CWF19L2: variants seen among roughly 807,000 people sequenced by gnomAD.
The protein encoded by CWF19L2 is CWF19-like protein 2.
CWF19L2 carries 98 observed loss-of-function variants against 111.7 expected under a neutral mutation model. The ratio of observed to expected loss-of-function variants is 0.88; its 90% CI spans 0.75 to 1.04. The LOEUF is 1.04. Ranked by LOEUF, CWF19L2 falls within the 50% of genes least tolerant of loss-of-function variation. The pLI is 0.00. For missense variants in CWF19L2, 1,101 were observed against 1,051.4 expected (o/e 1.05, Z -0.65); for synonymous variants, 351 against 342.9 (o/e 1.02, Z -0.26).
At position 107,441,614 on chromosome 11, in the gene CWF19L2, C is replaced by T. The variant is rs368745930; in HGVS notation, c.459G>A (p.Glu153=). 11 of 1,527,098 alleles carry T rather than the reference C, an allele frequency of 7.2e-6. No individual in the cohort carries two copies. The highest frequency in any genetic ancestry group is 1.7e-4 in the Middle Eastern group (1 of 5,772). The allele number at this position is 1,527,098 out of a possible 1,614,324, so 94.6% of individuals were successfully genotyped here. The change falls in exon 5 of 18, where the codon GAG becomes GAA. Residue 153 remains glutamate (E), a synonymous_variant. Transcript: ENST00000282251. The part of the protein sequence containing the change: ...KDDTQIIKRD[E]WMTVDFMSVK... ...CAGACATAAAATCAACAGTCATCCA[C>T]TCATCCCTCTGTTAAAAAAAAAGAC...
chr11:107,360,857 T>C (rs1409528663), intron 12 of CWF19L2, among the ~76,000 whole-genome samples: 1 of 152,228 alleles, frequency 6.6e-6, no homozygotes, highest in Non-Finnish European at 1.5e-5. Context: ...CTGAATTGAG[T>C]TCCTTGTATA....
intron 8 of CWF19L2, among the ~76,000 whole-genome samples, chr11:107,425,215 C>A (rs1047660679): frequency 2.0e-5 from 3 of 149,712 alleles, no homozygotes; most frequent in Non-Finnish European, 4.5e-5. Flanking sequence ...CACACACACA[C>A]AAAGAGGTTG....
chr11:107,353,542 A>G lies in CWF19L2; in HGVS notation c.2067T>C (p.Ile689=). ...FDSSQFPKHL[I]VAIGVKVYLC... ...TTCTTACCTTAACACCTATTGCAAC[A>G]ATAAGATGCTTGGGAAATTGAGAGC... Residue 689 remains isoleucine (I), a synonymous_variant, in exon 13 of 18, where the codon ATT becomes ATC. Coordinates refer to ENST00000282251, the MANE Select transcript of CWF19L2 (RefSeq NM_152434.3). The G allele has an allele frequency of 6.2e-7, 1 of 1,613,620 alleles. No homozygotes were observed. Among genetic ancestry groups the G allele is most frequent in the Non-Finnish European group, 8.5e-7 (1 of 1,179,636 alleles).
intron 14 of CWF19L2, among the ~76,000 whole-genome samples, chr11:107,340,087 A>G (rs1266928530): frequency 1.3e-5 from 2 of 152,182 alleles, no homozygotes; most frequent in Non-Finnish European, 2.9e-5. Context: ...CTCCTAGTTT[A>G]TAATTTGTCT....
At chr11:107,385,873 A>C (rs1450764363) in intron 12 of CWF19L2, among the ~76,000 whole-genome samples, 1 of 152,248 alleles carries the variant, frequency 6.6e-6, no homozygotes. Context: ...CTGTTGCAGC[A>C]TAAGAGAGTT....
chr11:107,425,100 G>A (rs1435021109), intron 8 of CWF19L2, among the ~76,000 whole-genome samples: 5 of 151,146 alleles, frequency 3.3e-5, no homozygotes, highest in Non-Finnish European at 7.4e-5. Flanking sequence ...AAGAATTACT[G>A]CTATATTTCA....
At chr11:107,437,644 A>G (rs557831641) in intron 6 of CWF19L2, among the ~76,000 whole-genome samples, 3 of 152,296 alleles carry the variant, frequency 2.0e-5, no homozygotes, top group Non-Finnish European at 2.9e-5. Flanking sequence ...AGGGGAAGGG[A>G]GAAGGGCACT....
At chr11:107,408,157 C>A (rs1861107562) in intron 10 of CWF19L2, among the ~76,000 whole-genome samples, 2 of 151,928 alleles carry the variant, frequency 1.3e-5, no homozygotes, top group African/African-American at 4.8e-5. Flanking sequence ...TATACTTTTC[C>A]TTTGAAGGAC....
chr11:107,360,527 T>C (rs975485877), intron 12 of CWF19L2, among the ~76,000 whole-genome samples: 3 of 152,200 alleles, frequency 2.0e-5, no homozygotes, highest in African/African-American at 2.4e-5. Flanking sequence ...AATCAAATGA[T>C]AGTTCTACTT....
chr11:107,411,017 G>A (rs537875937), intron 10 of CWF19L2, among the ~76,000 whole-genome samples: 2 of 151,496 alleles, frequency 1.3e-5, no homozygotes, highest in African/African-American at 4.9e-5. Flanking sequence ...TTGACTACAA[G>A]AAGTAACACA....
chr11:107,336,082 G>A (rs113701862), intron 15 of CWF19L2, among the ~76,000 whole-genome samples: 29,005 of 151,964 alleles, frequency 0.19, 2,881 homozygotes, highest in Middle Eastern at 0.27. Flanking sequence ...TTAGCTGGGC[G>A]TAGTGGTGCA....
intron 14 of CWF19L2, among the ~76,000 whole-genome samples, chr11:107,340,640 G>C (rs1251494548): frequency 6.6e-6 from 1 of 151,972 alleles, no homozygotes. Context: ...TATTCTTCTT[G>C]TTCAAAATTA....
intron 6 of CWF19L2, among the ~76,000 whole-genome samples, 173 bp downstream of exon 6, chr11:107,438,917 G>A (rs1366311916): frequency 2.0e-5 from 3 of 150,596 alleles, no homozygotes; most frequent in Non-Finnish European, 2.9e-5. Flanking sequence ...ACATGCACCT[G>A]TAATCCCAAC....
At chr11:107,346,169 T>C (rs912562225) in intron 14 of CWF19L2, among the ~76,000 whole-genome samples, 4 of 152,182 alleles carry the variant, frequency 2.6e-5, no homozygotes, top group African/African-American at 7.2e-5. Context: ...TTAAAGTACT[T>C]AAAACTATTA....
At chr11:107,338,915 T>C (rs903860554) in intron 14 of CWF19L2, among the ~76,000 whole-genome samples, 19 of 152,218 alleles carry the variant, frequency 1.2e-4, no homozygotes, top group African/African-American at 4.3e-4. Context: ...ATGAATTATA[T>C]TCCTTTGGGT....
chr11:107,402,873 G>GTGTGTGTATGTATA (rs1247886311), intron 10 of CWF19L2, among the ~76,000 whole-genome samples: 3 of 94,468 alleles, frequency 3.2e-5, no homozygotes, highest in African/African-American at 9.7e-5. Flanking sequence ...ACTGTGGTGT[G>GTGTGTGTATGTATA]TATATATATA....
intron 12 of CWF19L2, among the ~76,000 whole-genome samples, chr11:107,356,505 T>C (rs181517627): frequency 9.8e-5 from 15 of 152,350 alleles, no homozygotes; most frequent in African/African-American, 1.9e-4. Context: ...AGTCCTTGTA[T>C]ACTTCTTGAC....
intron 14 of CWF19L2, among the ~76,000 whole-genome samples, chr11:107,342,387 T>C (rs1229084805): frequency 6.6e-6 from 1 of 152,146 alleles, no homozygotes; most frequent in East Asian, 1.9e-4. Context: ...CTTAAATTTC[T>C]CCTGAAACTT....
At chr11:107,449,783 CA>C (rs1178397098) in intron 3 of CWF19L2, among the ~76,000 whole-genome samples, 2 of 150,524 alleles carry the variant, frequency 1.3e-5, no homozygotes, top group South Asian at 4.2e-4. Flanking sequence ...AAGGAAGGAA[CA>C]AAGGAAAAAA....
Sources: gnomAD v4.1 joint callset for allele counts (sites outside exome capture counted in the v4.1 genomes callset) on GRCh38, gnomAD v4.1.1 for gene constraint, MANE v1.5 for transcripts, NCBI Gene and HGNC (gene_info 2026-07-23, HGNC 2026-07-21) for gene names.